The following HAT1 variants were observed in gnomAD, a reference collection of about 807,000 sequenced individuals.
HAT1 encodes the protein histone acetyltransferase type B catalytic subunit.
In HAT1, 20 loss-of-function variants were observed where a neutral mutation model predicts 56.6. The ratio of observed to expected loss-of-function variants is 0.35; its 90% CI spans 0.25 to 0.51. HAT1 has a LOEUF of 0.51. Ranked by LOEUF, HAT1 falls within the 20% of genes least tolerant of loss-of-function variation. The probability of loss-of-function intolerance (pLI) is 0.95; values close to 1 mark genes in which losing one functional copy is unlikely to be tolerated. For synonymous variants in HAT1, 146 were observed against 165.5 expected (o/e 0.88, Z 0.91); for missense variants, 408 against 504.3 (o/e 0.81, Z 1.83).
intron 4 of HAT1, among the ~76,000 whole-genome samples, chr2:171,954,048 C>T (rs1687381704): frequency 6.6e-6 from 1 of 152,150 alleles, no homozygotes; most frequent in Admixed American, 6.5e-5. Flanking sequence ...GTTATGGAGG[C>T]ATTTGCCTCC....
intron 2 of HAT1, among the ~76,000 whole-genome samples, chr2:171,943,784 T>C (rs1687088966): frequency 6.7e-6 from 1 of 148,822 alleles, no homozygotes; most frequent in Non-Finnish European, 1.5e-5. Flanking sequence ...CTTAAGAAAA[T>C]TAATGGTAAT....
intron 8 of HAT1, among the ~76,000 whole-genome samples, chr2:171,970,402 C>CA (rs1687782869): frequency 2.1e-5 from 3 of 146,036 alleles, no homozygotes; most frequent in Admixed American, 6.9e-5. Context: ...GACTCTGTCT[C>CA]AAAAAAACAC....
In HAT1 at chr2:171,953,949, C is replaced by T. The variant is rs555942016; in HGVS notation, c.309+948C>T. Among the ~76,000 whole-genome samples, 4 of 152,086 alleles carry T rather than the reference C, an allele frequency of 2.6e-5. No homozygotes were observed. In the East Asian group the frequency reaches 7.8e-4, roughly 30 times the overall value. On this transcript the variant is annotated intron_variant, in intron 4 of 10. Coordinates refer to ENST00000264108, the MANE Select transcript of HAT1 (RefSeq NM_003642.4). ...GGCAGAGGTTGCAGTGAGTTGAGAT[C>T]GTGCCACTGCACTGCAGCCTGGGTG...
chr2:171,939,143 C>G (rs953790863), intron 2 of HAT1, among the ~76,000 whole-genome samples: 11 of 152,154 alleles, frequency 7.2e-5, no homozygotes, highest in African/African-American at 2.7e-4. Context: ...AAATGGGTCA[C>G]GGATCCATTC....
chr2:171,940,699 TA>T (rs1686999193), intron 2 of HAT1, among the ~76,000 whole-genome samples: 1 of 152,234 alleles, frequency 6.6e-6, no homozygotes, highest in African/African-American at 2.4e-5. Flanking sequence ...GGTCTCGATG[TA>T]ACTAAGCAGT....
intron 3 of HAT1, among the ~76,000 whole-genome samples, chr2:171,947,224 T>C (rs1245890078): frequency 6.6e-6 from 1 of 152,166 alleles, no homozygotes; most frequent in African/African-American, 2.4e-5. Flanking sequence ...TATGATCAAA[T>C]AAGCAGTTGA....
At chr2:171,978,007 C>G (rs1231091782) in intron 9 of HAT1, among the ~76,000 whole-genome samples, 1 of 151,956 alleles carries the variant, frequency 6.6e-6, no homozygotes, top group Non-Finnish European at 1.5e-5. Flanking sequence ...CCAAAAACTT[C>G]CTGATTCTTC....
intron 10 of HAT1, chr2:171,979,656 A>G (rs537870613): frequency 5.8e-4 from 128 of 221,776 alleles, no homozygotes; most frequent in African/African-American, 2.8e-3. Flanking sequence ...AAAAATACAA[A>G]CATTAGCTAG....
rs1385297547 is a variant in HAT1, at chr2:171,977,575, T to C, written c.975+1267T>C. Among the ~76,000 whole-genome samples the C allele has an allele frequency of 1.6e-5, 2 of 121,584 alleles. 1 individual carries two copies. The highest frequency in any genetic ancestry group is 5.6e-5 in the African/African-American group (2 of 35,842). 79.8% of individuals were successfully genotyped at this position (121,584 alleles called of 152,430 possible). A position where few individuals can be genotyped will look rare whatever the true frequency, so the allele number is the denominator to read the frequency against. On this transcript the variant is annotated intron_variant, in intron 9 of 10. Transcript: ENST00000264108. The stretch of plus-strand genomic sequence containing the variant: ...TATATATATTTTTTTTTTTTTTTTT[T>C]TTTTAATGGTGCTTTCTTAAAAAAA...
At chr2:171,977,557 ATTTTTTTTTTTTTTT>A (rs1172067451) in intron 9 of HAT1, among the ~76,000 whole-genome samples, 4 of 16,350 alleles carry the variant, frequency 2.4e-4, no homozygotes, top group African/African-American at 8.7e-4. Flanking sequence ...ATATATATAT[ATTTTTTTTTTTTTTT>A]TTTTTTTAAT....
chr2:171,977,568 T>A (rs1477609705), intron 9 of HAT1, among the ~76,000 whole-genome samples: 42 of 68,854 alleles, frequency 6.1e-4, no homozygotes, highest in African/African-American at 2.7e-3. Flanking sequence ...TTTTTTTTTT[T>A]TTTTTTTTTT....
At chr2:171,972,632 A>G (rs2105341371) in intron 8 of HAT1, among the ~76,000 whole-genome samples, 1 of 152,256 alleles carries the variant, frequency 6.6e-6, no homozygotes, top group South Asian at 2.1e-4. Flanking sequence ...GGGGTCTCCT[A>G]GCTGTAAAGG....
chr2:171,926,208 C>T (rs1169696350), intron 2 of HAT1, among the ~76,000 whole-genome samples: 1 of 152,154 alleles, frequency 6.6e-6, no homozygotes, highest in East Asian at 1.9e-4. Context: ...GCCTCCAACC[C>T]CTGGGCTCAG....
chr2:171,942,056 C>G (rs1687032340), intron 2 of HAT1, among the ~76,000 whole-genome samples: 1 of 152,028 alleles, frequency 6.6e-6, no homozygotes. Flanking sequence ...AGGTGCACAC[C>G]ACCACACCCA....
rs760676009 is a variant in HAT1, at chr2:171,922,472, C to T, written c.-29C>T. On this transcript the variant is annotated 5_prime_UTR_variant, in exon 1 of 11. Coordinates refer to ENST00000264108, the MANE Select transcript of HAT1 (RefSeq NM_003642.4). The stretch of plus-strand genomic sequence containing the variant: ...GGAGCGCGCGGGTTGATTCGTCCTT[C>T]CTCAGCCGCGGGTGATCGTAGCTCG... 12 of 1,318,612 alleles carry T rather than the reference C, an allele frequency of 9.1e-6. No individual in the cohort carries two copies. Among genetic ancestry groups the T allele is most frequent in the Middle Eastern group, 2.0e-4 (1 of 4,928 alleles). 81.7% of individuals were successfully genotyped at this position (1,318,612 alleles called of 1,614,324 possible).
In HAT1 at chr2:171,938,821, A is replaced by C. The variant is rs529171608; in HGVS notation, c.113-7887A>C. ...AGTGGTGCAGTCTCAGCTCACTGCA[A>C]CCTCCACTTCCTGGATTCAAGTGAT... On this transcript the variant is annotated intron_variant, in intron 2 of 10. Coordinates refer to ENST00000264108, the MANE Select transcript of HAT1 (RefSeq NM_003642.4). Among the ~76,000 whole-genome samples, 3 of 152,010 alleles carry C rather than the reference A, an allele frequency of 2.0e-5. No individual in the cohort carries two copies. The South Asian group carries it at 6.2e-4, about 32-fold the overall frequency.
At chr2:171,983,095 C>T in intron 10 of HAT1, 90 bp from the exon 11 acceptor site, 2 of 755,242 alleles carry the variant, frequency 2.6e-6, no homozygotes, top group Non-Finnish European at 4.2e-6. Flanking sequence ...TCATACTATT[C>T]TTATTTTTAA....
chr2:171,979,167 A>AAAT, intron 9 of HAT1, 80 bp from the exon 10 acceptor site: 1 of 723,772 alleles, frequency 1.4e-6, no homozygotes, highest in East Asian at 2.5e-5. Flanking sequence ...GGCAGATATT[A>AAAT]AATATATCCT....
rs1192673575 is a variant in HAT1, at chr2:171,935,243, G to A, written c.112+9602G>A. ...AAATCAATTCATTGTGGCCAAGCAC[G>A]GTGGCTCATGCCTGTAATCCCAGCA... On this transcript the variant is annotated intron_variant, in intron 2 of 10. Coordinates refer to ENST00000264108, the MANE Select transcript of HAT1 (RefSeq NM_003642.4). Among the ~76,000 whole-genome samples, 6 of 151,766 alleles carry A rather than the reference G, an allele frequency of 4.0e-5. No homozygotes were observed. The South Asian group carries it at 1.0e-3, about 26-fold the overall frequency.
Sources: allele counts gnomAD v4.1 joint callset (sites outside exome capture counted in the v4.1 genomes callset), GRCh38; gene constraint gnomAD v4.1.1; transcripts MANE v1.5; gene names NCBI Gene and HGNC (gene_info 2026-07-23, HGNC 2026-07-21).